The following NT5E variants were observed in gnomAD, a reference collection of about 807,000 sequenced individuals.
The protein encoded by NT5E is 5'-nucleotidase ecto.
Under a neutral mutation model 55.1 loss-of-function variants are expected in NT5E, and 53 were observed. The observed-to-expected ratio is 0.96, with a 90% CI of 0.77 to 1.21. The LOEUF (loss-of-function observed/expected upper bound fraction) is 1.21. NT5E is among the 50% of genes most tolerant of loss of function. NT5E has a pLI of 0.00. For missense variants in NT5E, 683 were observed against 724.3 expected (o/e 0.94, Z 0.65); for synonymous variants, 270 against 278.4 (o/e 0.97, Z 0.30).
chr6:85,481,363 G>A (rs1769547727), intron 3 of NT5E, among the ~76,000 whole-genome samples: 1 of 152,154 alleles, frequency 6.6e-6, no homozygotes, highest in Non-Finnish European at 1.5e-5. Flanking sequence ...CAAGTCTAGA[G>A]GATCATCAGT....
intron 1 of NT5E, among the ~76,000 whole-genome samples, chr6:85,464,097 G>A (rs1386291091): frequency 1.1e-5 from 1 of 92,038 alleles, no homozygotes. Flanking sequence ...TTTTTTTAGT[G>A]CTTTGTGTAT....
At chr6:85,476,910 C>T (rs147923951) in intron 3 of NT5E, among the ~76,000 whole-genome samples, 31 of 152,116 alleles carry the variant, frequency 2.0e-4, no homozygotes, top group Admixed American at 5.2e-4. Context: ...GGGGGCAGGG[C>T]GGGCCAGGGT....
At position 85,454,166 on chromosome 6, in the gene NT5E, G is replaced by T. The variant is rs1311385333; in HGVS notation, c.339+3688G>T. ...CTAACACCCTGCCTCCACAAATAATGCTGCTCCAGATATCTTCCTGGATGG... is the reference window on the plus strand; with the variant it reads ...CTAACACCCTGCCTCCACAAATAATTCTGCTCCAGATATCTTCCTGGATGG... On this transcript the variant is annotated intron_variant, in intron 1 of 8. Coordinates refer to ENST00000257770, the MANE Select transcript of NT5E (RefSeq NM_002526.4). 1.3e-5 allele frequency among the ~76,000 whole-genome samples: 2 copies of T among 152,154 alleles called. 1 individual carries two copies. The highest frequency in any genetic ancestry group is 4.1e-4 in the South Asian group (2 of 4,830).
chr6:85,464,916 C>T (rs1215560477), intron 1 of NT5E, among the ~76,000 whole-genome samples: 1 of 152,080 alleles, frequency 6.6e-6, no homozygotes, highest in Non-Finnish European at 1.5e-5. Flanking sequence ...GCATCCTGGG[C>T]CAAGACAGTG....
intron 1 of NT5E, among the ~76,000 whole-genome samples, chr6:85,458,049 T>G (rs1446020581): frequency 6.6e-6 from 1 of 152,184 alleles, no homozygotes; most frequent in Non-Finnish European, 1.5e-5. Context: ...GCATGTTTCT[T>G]CTCCCATAAA....
intron 3 of NT5E, among the ~76,000 whole-genome samples, chr6:85,481,020 A>C (rs1177949287): frequency 6.6e-6 from 1 of 152,108 alleles, no homozygotes; most frequent in East Asian, 1.9e-4. Context: ...CCTGGGGTAA[A>C]GGGCTGGCAC....
chr6:85,451,690 G>A (rs1013230079), intron 1 of NT5E, among the ~76,000 whole-genome samples: 4 of 152,198 alleles, frequency 2.6e-5, no homozygotes, highest in African/African-American at 9.6e-5. Flanking sequence ...AAGGGAAAGG[G>A]AAGTGTGATT....
chr6:85,490,618 C>A lies in NT5E; in HGVS notation c.1321C>A (p.Arg441Ser). 6.2e-7 allele frequency: 1 copy of A among 1,614,156 alleles called. No individual in the cohort carries two copies. ...GAAGGCCTTTGAGCATAGCGTGCACCGCTACGGCCAGTCCACTGGAGAGTT... is the reference window on the plus strand; with the variant it reads ...GAAGGCCTTTGAGCATAGCGTGCACAGCTACGGCCAGTCCACTGGAGAGTT... The part of the protein sequence containing the change: ...LKKAFEHSVH[R>S]YGQSTGEFLQ... The change falls in exon 7 of 9, where the codon CGC (arginine) becomes AGC (serine). Residue 441 changes from arginine (R) to serine (S), a missense_variant. Arg to Ser is a moderately radical substitution (Grantham distance 110). Transcript: ENST00000257770.
At chr6:85,472,297 A>G (rs1216447845) in intron 3 of NT5E, among the ~76,000 whole-genome samples, 2 of 152,210 alleles carry the variant, frequency 1.3e-5, no homozygotes, top group Non-Finnish European at 2.9e-5. Flanking sequence ...AGACCATGCT[A>G]TTTTGATAAA....
chr6:85,486,338 G>A (rs1769662026), intron 4 of NT5E, among the ~76,000 whole-genome samples: 1 of 152,074 alleles, frequency 6.6e-6, no homozygotes, highest in South Asian at 2.1e-4. Context: ...ACAAAAACTG[G>A]TTACAAATAA....
chr6:85,474,425 G>A (rs1312413999), intron 3 of NT5E, among the ~76,000 whole-genome samples: 1 of 152,202 alleles, frequency 6.6e-6, no homozygotes, highest in Admixed American at 6.5e-5. Context: ...TTTAGTTAAT[G>A]ATGAAGGACT....
At chr6:85,457,155 G>T (rs1769006663) in intron 1 of NT5E, among the ~76,000 whole-genome samples, 1 of 152,166 alleles carries the variant, frequency 6.6e-6, no homozygotes, top group Non-Finnish European at 1.5e-5. Context: ...TCCGCTTACC[G>T]CTGACAGCTG....
intron 1 of NT5E, among the ~76,000 whole-genome samples, chr6:85,452,045 A>G (rs1768870695): frequency 6.6e-6 from 1 of 152,220 alleles, no homozygotes; most frequent in Non-Finnish European, 1.5e-5. Context: ...GGATTTGAAG[A>G]AGAATCGTGG....
chr6:85,461,954 C>T (rs1056511237), intron 1 of NT5E, among the ~76,000 whole-genome samples: 6 of 152,134 alleles, frequency 3.9e-5, no homozygotes, highest in Admixed American at 6.5e-5. Flanking sequence ...GCTCCAGTGA[C>T]GCTGTGAGTG....
intron 3 of NT5E, among the ~76,000 whole-genome samples, chr6:85,479,932 T>C (rs1258021833): frequency 6.6e-6 from 1 of 152,160 alleles, no homozygotes; most frequent in Non-Finnish European, 1.5e-5. Context: ...TGCTGAGCCA[T>C]GGAGATGGCC....
intron 3 of NT5E, among the ~76,000 whole-genome samples, chr6:85,473,315 T>C (rs943947504): frequency 3.3e-5 from 5 of 152,168 alleles, no homozygotes; most frequent in Admixed American, 2.6e-4. Flanking sequence ...GGGGTCACTG[T>C]GATTTAATAT....
chr6:85,489,793 CAAGCTTGTGTGTTCTTATATGT>C (rs1401737276), intron 6 of NT5E, among the ~76,000 whole-genome samples, 194 bp downstream of exon 6: 1 of 152,178 alleles, frequency 6.6e-6, no homozygotes, highest in African/African-American at 2.4e-5. Context: ...AGGACACACA[CAAGCTTGTGTGTTCTTATATGT>C]ATTCACACAC....
intron 1 of NT5E, among the ~76,000 whole-genome samples, chr6:85,457,238 A>T (rs1469661471): frequency 6.6e-6 from 1 of 152,244 alleles, no homozygotes; most frequent in East Asian, 1.9e-4. Flanking sequence ...ATTGGACTGT[A>T]CAGGGCTGTG....
At chr6:85,471,194 A>G (rs774464102) in intron 2 of NT5E, 43 bp from the exon 3 acceptor site, 91 of 1,353,356 alleles carry the variant, frequency 6.7e-5, no homozygotes, top group Non-Finnish European at 8.8e-5. Context: ...TAATATAATA[A>G]AAATTGTTAA....
Sources: allele counts gnomAD v4.1 joint callset (sites outside exome capture counted in the v4.1 genomes callset), GRCh38; gene constraint gnomAD v4.1.1; transcripts MANE v1.5; gene names NCBI Gene and HGNC (gene_info 2026-07-23, HGNC 2026-07-21).